Variants in NAALADL2 observed in about 807,000 individuals in gnomAD.
The protein encoded by NAALADL2 is N-acetylated alpha-linked acidic dipeptidase like 2.
A neutral mutation model predicts 87.2 loss-of-function variants in NAALADL2; 76 were observed. The observed-to-expected ratio is 0.87, with a 90% CI of 0.72 to 1.05. The LOEUF is 1.05. Ranked by LOEUF, NAALADL2 falls within the 50% of genes least tolerant of loss-of-function variation. NAALADL2 has a pLI of 0.00. For synonymous variants in NAALADL2, 354 were observed against 331.0 expected (o/e 1.07, Z -0.75); for missense variants, 1,089 against 945.8 (o/e 1.15, Z -1.99).
chr3:174,475,108 G>A, intron 1 of NAALADL2, among the ~76,000 whole-genome samples: 1 of 151,110 alleles, frequency 6.6e-6, no homozygotes. Flanking sequence ...AATGATTAGA[G>A]AAAAATAGGT....
At chr3:174,927,086 AC>A (rs1736169396) in intron 1 of NAALADL2, among the ~76,000 whole-genome samples, 1 of 152,138 alleles carries the variant, frequency 6.6e-6, no homozygotes, top group Non-Finnish European at 1.5e-5. Context: ...CAGACTTTAA[AC>A]CAACAAAAAT....
chr3:174,798,582 C>A (rs1386750249), intron 3 of NAALADL2, among the ~76,000 whole-genome samples: 1 of 151,958 alleles, frequency 6.6e-6, no homozygotes, highest in East Asian at 1.9e-4. Flanking sequence ...TTTTTCCATT[C>A]ATTTTTACCT....
At chr3:174,913,375 A>T (rs1193588520) in intron 1 of NAALADL2, among the ~76,000 whole-genome samples, 2 of 152,130 alleles carry the variant, frequency 1.3e-5, no homozygotes, top group Non-Finnish European at 2.9e-5. Context: ...TTCAAGACAG[A>T]TGGTTCACTC....
chr3:175,151,715 G>A (rs757242588), intron 2 of NAALADL2, among the ~76,000 whole-genome samples: 2 of 151,784 alleles, frequency 1.3e-5, no homozygotes, highest in South Asian at 2.1e-4. Context: ...CATACTACTC[G>A]ACTTTATGGA....
chr3:174,899,803 C>T (rs55665411), intron 1 of NAALADL2, among the ~76,000 whole-genome samples: 15,385 of 151,726 alleles, frequency 0.1, 879 homozygotes, highest in African/African-American at 0.14. Context: ...TATGCTTACA[C>T]GGCCAGAAAA....
At chr3:175,057,379 A>G (rs1434684285) in intron 1 of NAALADL2, among the ~76,000 whole-genome samples, 1 of 152,228 alleles carries the variant, frequency 6.6e-6, no homozygotes, top group Admixed American at 6.5e-5. Flanking sequence ...TTAGAGCTCA[A>G]GATAAATAGA....
chr3:174,779,684 T>C lies in NAALADL2; in HGVS notation c.-9+41938T>C, dbSNP rs142037256. Reference sequence around the variant, plus strand: ...AAAAAGGGATCCAGTTTCAGTTTTCTGCATATGGCTAGACAGTTTTTCCAA... The same window carrying C: ...AAAAAGGGATCCAGTTTCAGTTTTCCGCATATGGCTAGACAGTTTTTCCAA... On this transcript the variant is annotated intron_variant, in intron 3 of 3. Transcript: ENST00000434257. Among the ~76,000 whole-genome samples, 1,500 of 152,320 alleles carry C rather than the reference T, an allele frequency of 9.8e-3. 27 individuals carry two copies. The highest frequency in any genetic ancestry group is 0.034 in the African/African-American group (1,422 of 41,572).
At chr3:175,655,058 A>G (rs1731265865) in intron 11 of NAALADL2, among the ~76,000 whole-genome samples, 1 of 152,132 alleles carries the variant, frequency 6.6e-6, no homozygotes, top group South Asian at 2.1e-4. Flanking sequence ...CTACAAAATT[A>G]TTACAATAGG....
At chr3:175,099,311 T>A (rs1358095508) in intron 2 of NAALADL2, among the ~76,000 whole-genome samples, 2 of 152,208 alleles carry the variant, frequency 1.3e-5, no homozygotes, top group Admixed American at 6.5e-5. Context: ...AAGTAACATG[T>A]ATGTCAAAGC....
intron 1 of NAALADL2, among the ~76,000 whole-genome samples, chr3:174,893,744 A>G (rs1731151429): frequency 6.6e-6 from 1 of 152,192 alleles, no homozygotes; most frequent in Non-Finnish European, 1.5e-5. Context: ...AAAGCAGGAA[A>G]CTAAATTATA....
intron 1 of NAALADL2, among the ~76,000 whole-genome samples, chr3:174,534,805 G>A (rs919880439): frequency 2.6e-5 from 4 of 152,100 alleles, no homozygotes; most frequent in African/African-American, 9.7e-5. Context: ...AAGGTGAATC[G>A]GTCTTGTAAA....
intron 9 of NAALADL2, among the ~76,000 whole-genome samples, chr3:175,555,364 T>C (rs1026462302): frequency 2.0e-5 from 3 of 152,198 alleles, no homozygotes; most frequent in Non-Finnish European, 4.4e-5. Context: ...GTACATTTAT[T>C]GCATTATTTA....
intron 1 of NAALADL2, among the ~76,000 whole-genome samples, chr3:175,036,892 A>G (rs1753486267): frequency 6.6e-6 from 1 of 150,578 alleles, no homozygotes; most frequent in African/African-American, 2.5e-5. Flanking sequence ...CTCCTCACCA[A>G]AAGCTGAGGC....
rs562866560 is a variant in NAALADL2, at chr3:175,048,460, T to C, written c.44-48330T>C. On this transcript the variant is annotated intron_variant, in intron 1 of 13. Transcript: ENST00000454872. ...CTTGCTGTGGCAACTTGAAATTGTT[T>C]GTTCATTTGAAGCCATCATTGAAAG... is the stretch of plus-strand genomic sequence containing the variant. Among the ~76,000 whole-genome samples the C allele has an allele frequency of 1.4e-4, 22 of 152,258 alleles. No homozygotes were observed. In the South Asian group the frequency reaches 3.7e-3, roughly 26 times the overall value.
In NAALADL2 at chr3:174,465,182, CTG is replaced by C. The variant is rs145680771; in HGVS notation, c.-184+24160_-184+24161del. Among the ~76,000 whole-genome samples, 1,485 of 151,718 alleles carry C rather than the reference CTG, an allele frequency of 9.8e-3. 30 individuals carry two copies. The highest frequency in any genetic ancestry group is 0.035 in the African/African-American group (1,429 of 41,366). On this transcript the variant is annotated intron_variant, in intron 1 of 3. Coordinates refer to the NAALADL2 transcript ENST00000434257. ...AGATTGAGTATATAGTTATGATTCT[CTG>C]TGTGTGTGTTCATTTGCATGTGTGT...
At chr3:175,146,604 G>A (rs1730781244) in intron 2 of NAALADL2, among the ~76,000 whole-genome samples, 1 of 152,076 alleles carries the variant, frequency 6.6e-6, no homozygotes, top group Non-Finnish European at 1.5e-5. Context: ...TGTGCTGGAC[G>A]AACTAGATTG....
In NAALADL2 at chr3:175,197,024, T is replaced by G. The variant is rs534604537; in HGVS notation, c.546-36907T>G. Reference sequence around the variant, plus strand: ...ATAGGTGAGAAACATAAGGGGTCATTTTTTTACTGCAATATGCAATTTGCT... The same window carrying G: ...ATAGGTGAGAAACATAAGGGGTCATGTTTTTACTGCAATATGCAATTTGCT... On this transcript the variant is annotated intron_variant, in intron 2 of 13. Transcript: ENST00000454872. Among the ~76,000 whole-genome samples the G allele has an allele frequency of 1.5e-4, 23 of 152,060 alleles. 1 individual carries two copies. In the South Asian group the frequency reaches 4.8e-3, roughly 32 times the overall value.
chr3:175,588,835 G>T (rs1315513273), intron 10 of NAALADL2, among the ~76,000 whole-genome samples: 1 of 152,076 alleles, frequency 6.6e-6, no homozygotes, highest in Non-Finnish European at 1.5e-5. Flanking sequence ...ACCGTGCCCT[G>T]CCAGGAGACT....
At chr3:174,847,902 T>A (rs928427912) in intron 3 of NAALADL2, among the ~76,000 whole-genome samples, 5 of 152,010 alleles carry the variant, frequency 3.3e-5, no homozygotes, top group African/African-American at 1.2e-4. Flanking sequence ...CTCTTTGGAT[T>A]TTTGACATAC....
Sources: allele counts gnomAD v4.1 joint callset (sites outside exome capture counted in the v4.1 genomes callset), GRCh38; gene constraint gnomAD v4.1.1; transcripts MANE v1.5; gene names NCBI Gene and HGNC (gene_info 2026-07-23, HGNC 2026-07-21).